NLGN4X: variants seen among roughly 807,000 people sequenced by gnomAD.
NLGN4X encodes neuroligin 4 X-linked, also known as neuroligin-4, X-linked.
Under a neutral mutation model 40.3 loss-of-function variants are expected in NLGN4X, and 3 were observed. The observed-to-expected ratio is 0.07, with a 90% CI of 0.03 to 0.19. The LOEUF is 0.19. Among genes scored for constraint, NLGN4X ranks in the 10% least tolerant of loss-of-function variants. The probability of loss-of-function intolerance (pLI) is 1.00; values close to 1 mark genes in which losing one functional copy is unlikely to be tolerated. For missense variants in NLGN4X, 382 were observed against 708.3 expected (o/e 0.54, Z 5.23); for synonymous variants, 270 against 306.8 (o/e 0.88, Z 1.25).
intron 3 of NLGN4X, among the ~76,000 whole-genome samples, chrX:6,005,211 G>A (rs770020551): frequency 1.8e-5 from 2 of 112,187 alleles, no homozygotes; most frequent in Admixed American, 9.4e-5. Context: ...TGCAGATCCC[G>A]GGGATTCTCT....
chrX:6,085,791 G>A (rs780638637), intron 2 of NLGN4X, among the ~76,000 whole-genome samples: 3 of 112,128 alleles, frequency 2.7e-5, no homozygotes, highest in Admixed American at 1.9e-4. Context: ...ATGCCCACAC[G>A]GCACCTGGCA....
At chrX:5,900,147 C>T (rs1447215494) in intron 5 of NLGN4X, among the ~76,000 whole-genome samples, 1 of 112,457 alleles carries the variant, frequency 8.9e-6, no homozygotes, top group Non-Finnish European at 1.9e-5. Context: ...ATACTGTCTC[C>T]CCATAAATTA....
chrX:6,019,203 GAACAC>G (rs748374948), intron 3 of NLGN4X, among the ~76,000 whole-genome samples: 25 of 111,839 alleles, frequency 2.2e-4, no homozygotes, highest in Non-Finnish European at 3.0e-4. Flanking sequence ...AATTATACTA[GAACAC>G]AACACATCTG....
chrX:6,111,390 G>C (rs774697977), intron 2 of NLGN4X, among the ~76,000 whole-genome samples: 1 of 111,207 alleles, frequency 9.0e-6, no homozygotes, highest in South Asian at 3.9e-4. Flanking sequence ...GCCCTCACTA[G>C]ACACTGAATC....
chrX:5,931,554 C>T (rs2033545207), intron 3 of NLGN4X, among the ~76,000 whole-genome samples: 1 of 111,838 alleles, frequency 8.9e-6, no homozygotes, highest in African/African-American at 3.3e-5. Context: ...AGTCCAAAGT[C>T]CAGGGGCAGG....
chrX:5,945,330 A>G (rs1478794095), intron 3 of NLGN4X, among the ~76,000 whole-genome samples: 1 of 111,877 alleles, frequency 8.9e-6, no homozygotes. Context: ...ACTAAAAACA[A>G]CACTAAAACA....
chrX:6,109,239 C>G (rs2039094102), intron 2 of NLGN4X, among the ~76,000 whole-genome samples: 1 of 111,682 alleles, frequency 9.0e-6, no homozygotes, highest in East Asian at 2.8e-4. Context: ...GCACTCCAGC[C>G]TGGGTTGATA....
chrX:6,066,786 A>T (rs956830014), intron 2 of NLGN4X, among the ~76,000 whole-genome samples: 2 of 109,301 alleles, frequency 1.8e-5, no homozygotes, highest in Non-Finnish European at 1.9e-5. Flanking sequence ...CTCTGTCTCA[A>T]AAAACAAACA....
At chrX:6,073,284 C>A (rs2038112947) in intron 2 of NLGN4X, among the ~76,000 whole-genome samples, 1 of 112,228 alleles carries the variant, frequency 8.9e-6, no homozygotes, top group South Asian at 3.7e-4. Context: ...ATTTTTTCTA[C>A]AGCAGCACAT....
intron 3 of NLGN4X, among the ~76,000 whole-genome samples, chrX:5,940,078 G>A (rs758681363): frequency 2.7e-5 from 3 of 110,053 alleles, no homozygotes; most frequent in Non-Finnish European, 3.8e-5. Context: ...AGATCACACT[G>A]TTGCATATTA....
At position 6,058,842 on chromosome X, in the gene NLGN4X, T is replaced by C. The variant is rs776178392; in HGVS notation, c.473-29410A>G. ...TAATAAAAACACTTAAGTGACAATA[T>C]ACAACAGAACATGATATGGATTTAA... On this transcript the variant is annotated intron_variant, in intron 2 of 5. Coordinates refer to ENST00000381095, the MANE Select transcript of NLGN4X (RefSeq NM_181332.3). 2.2e-4 allele frequency among the ~76,000 whole-genome samples: 25 copies of C among 112,160 alleles called. 1 individual carries two copies. Among genetic ancestry groups the C allele is most frequent in the Middle Eastern group, 9.4e-3 (2 of 212 alleles).
rs772348674 is a variant in NLGN4X, at chrX:5,893,219, C to T, written c.2049G>A (p.Ala683=). ...TELSVTIAVG[A]SLLFLNILAF... ...CTAAGATGTTGAGGAAGAGGAGCGA[C>T]GCCCCGACGGCAATGGTGACACTTA... The change falls in exon 6 of 6, where the codon GCG becomes GCA. Residue 683 remains alanine (A), a synonymous_variant. Transcript: ENST00000381095. The T allele has an allele frequency of 1.8e-4, 213 of 1,209,192 alleles. No individual in the cohort carries two copies. In the South Asian group the frequency reaches 1.8e-3, roughly 10 times the overall value.
At chrX:6,132,895 T>TA (rs994030399) in intron 2 of NLGN4X, among the ~76,000 whole-genome samples, 2 of 110,729 alleles carry the variant, frequency 1.8e-5, no homozygotes. Context: ...CCTAAGATGG[T>TA]AAAAATGGAG....
chrX:6,186,481 T>C (rs1218408245), intron 1 of NLGN4X, among the ~76,000 whole-genome samples: 1 of 112,179 alleles, frequency 8.9e-6, no homozygotes, highest in African/African-American at 3.2e-5. Context: ...AATGATTCAT[T>C]TAACTATATA....
chrX:6,208,934 C>T (rs1352919441), intron 1 of NLGN4X, among the ~76,000 whole-genome samples: 1 of 112,119 alleles, frequency 8.9e-6, no homozygotes, highest in Non-Finnish European at 1.9e-5. Context: ...TGCACGCATA[C>T]GTTTAATACC....
At chrX:5,925,942 AGCTT>A (rs148076103) in intron 3 of NLGN4X, among the ~76,000 whole-genome samples, 13,276 of 76,699 alleles carry the variant, frequency 0.17, 1,094 homozygotes, top group Middle Eastern at 0.2. Flanking sequence ...AAACCTGCGA[AGCTT>A]TTCAAATAAT....
intron 2 of NLGN4X, among the ~76,000 whole-genome samples, chrX:6,076,074 T>C (rs937964272): frequency 1.8e-5 from 2 of 111,601 alleles, no homozygotes; most frequent in African/African-American, 3.3e-5. Context: ...CGCCCCCCTC[T>C]TCCCACATCA....
intron 2 of NLGN4X, among the ~76,000 whole-genome samples, chrX:6,131,317 T>A (rs982004199): frequency 2.7e-5 from 3 of 112,115 alleles, no homozygotes; most frequent in Non-Finnish European, 5.6e-5. Flanking sequence ...ATGCTAATCA[T>A]CTGATAAACT....
At chrX:5,951,304 G>A (rs1028199023) in intron 3 of NLGN4X, among the ~76,000 whole-genome samples, 13 of 111,422 alleles carry the variant, frequency 1.2e-4, no homozygotes, top group African/African-American at 3.9e-4. Context: ...GGCCCTTTGA[G>A]CCATTTTTCT....
Sources: allele counts gnomAD v4.1 joint callset (sites outside exome capture counted in the v4.1 genomes callset), GRCh38; gene constraint gnomAD v4.1.1; transcripts MANE v1.5; gene names NCBI Gene and HGNC (gene_info 2026-07-23, HGNC 2026-07-21).